The following DPH6 variants were observed in gnomAD, a reference collection of about 807,000 sequenced individuals.
DPH6 encodes the protein diphthine--ammonia ligase.
DPH6 carries 33 observed loss-of-function variants against 38.2 expected under a neutral mutation model. That is an observed-to-expected ratio of 0.86 (90% confidence interval 0.65 to 1.15). DPH6 has a LOEUF of 1.15. Among genes scored for constraint, DPH6 ranks in the 50% most tolerant of loss-of-function variants. DPH6 has a pLI of 0.00. For missense variants in DPH6, 325 were observed against 320.0 expected (o/e 1.02, Z -0.12); for synonymous variants, 108 against 103.0 (o/e 1.05, Z -0.30).
intron 3 of DPH6, among the ~76,000 whole-genome samples, chr15:35,320,870 C>T (rs2052234812): frequency 6.6e-6 from 1 of 152,150 alleles, no homozygotes; most frequent in Non-Finnish European, 1.5e-5. Context: ...TAAAAGCTCT[C>T]AAAATATTCA....
At chr15:35,376,543 G>A (rs1484285973) in intron 7 of DPH6, among the ~76,000 whole-genome samples, 1 of 152,076 alleles carries the variant, frequency 6.6e-6, no homozygotes, top group Non-Finnish European at 1.5e-5. Context: ...TAAGTGTACA[G>A]TGCTTTTAAA....
rs570609892 is a variant in DPH6 at position 35,338,680 on chromosome 15, G to A, written n.208-7603C>T. 2.6e-5 allele frequency among the ~76,000 whole-genome samples: 4 copies of A among 152,248 alleles called. No individual in the cohort carries two copies. The East Asian group carries it at 7.7e-4, about 29-fold the overall frequency. ...CATTTGACCCAGCCATCCCATTACTGGGTATATACCCAAAGGATTATAAAT... is the reference window on the plus strand; with the variant it reads ...CATTTGACCCAGCCATCCCATTACTAGGTATATACCCAAAGGATTATAAAT... On this transcript the variant is annotated intron_variant and non_coding_transcript_variant, in intron 3 of 3. Coordinates refer to the DPH6 transcript ENST00000558973.
At chr15:35,525,578 T>C (rs2054987367) in intron 3 of DPH6, among the ~76,000 whole-genome samples, 2 of 152,150 alleles carry the variant, frequency 1.3e-5, no homozygotes, top group African/African-American at 4.8e-5. Context: ...CTGAAAGTGA[T>C]GGTTAAAATA....
intron 7 of DPH6, among the ~76,000 whole-genome samples, chr15:35,377,451 GTA>G (rs899816477): frequency 2.7e-4 from 41 of 152,062 alleles, no homozygotes; most frequent in African/African-American, 9.7e-4. Context: ...ACATAAAAAT[GTA>G]TACATGAAGA....
chr15:35,392,717 A>C (rs2053077100), intron 6 of DPH6, among the ~76,000 whole-genome samples: 1 of 152,334 alleles, frequency 6.6e-6, no homozygotes, highest in South Asian at 2.1e-4. Flanking sequence ...AGATGCATGA[A>C]ATGCTGTGAC....
the DPH6 span, among the ~76,000 whole-genome samples, chr15:35,171,987 C>T: frequency 6.6e-6 from 1 of 152,086 alleles, no homozygotes; most frequent in African/African-American, 2.4e-5. Flanking sequence ...CCTTCCTCAG[C>T]CTCCCAAGTA....
intron 3 of DPH6, among the ~76,000 whole-genome samples, chr15:35,338,448 C>T (rs1487155162): frequency 3.3e-5 from 5 of 152,174 alleles, no homozygotes. Flanking sequence ...CCATCACTGG[C>T]CATCAGAGTA....
intron 5 of DPH6, among the ~76,000 whole-genome samples, chr15:35,445,395 CAAAAAAAA>C (rs11331685): frequency 8.0e-6 from 1 of 125,522 alleles, no homozygotes; most frequent in African/African-American, 2.9e-5. Flanking sequence ...TCATCATCAT[CAAAAAAAA>C]AAAAAAAAAA....
At chr15:35,475,662 A>G (rs1409761575) in intron 3 of DPH6, among the ~76,000 whole-genome samples, 1 of 151,852 alleles carries the variant, frequency 6.6e-6, no homozygotes, top group Non-Finnish European at 1.5e-5. Context: ...TTACTCTGAA[A>G]TATTTCCTAT....
chr15:35,224,314 C>T (rs1484331816), intron 3 of DPH6, among the ~76,000 whole-genome samples: 1 of 151,916 alleles, frequency 6.6e-6, no homozygotes, highest in Non-Finnish European at 1.5e-5. Flanking sequence ...ATCATGTTGG[C>T]CAGGCTAGTC....
rs561796563 is a variant in DPH6 at position 35,532,806 on chromosome 15, T to C, written c.312+5468A>G. On this transcript the variant is annotated intron_variant, in intron 3 of 8. Coordinates refer to ENST00000256538, the MANE Select transcript of DPH6 (RefSeq NM_080650.4). Reference sequence around the variant, plus strand: ...AGGGAGGGAGGGAAGAGAGAAGAGATTAAAAAAGAAGAATTGGCTGGGCAC... The same window carrying C: ...AGGGAGGGAGGGAAGAGAGAAGAGACTAAAAAAGAAGAATTGGCTGGGCAC... 1.5e-3 allele frequency among the ~76,000 whole-genome samples: 222 copies of C among 151,224 alleles called. 1 individual carries two copies. Among genetic ancestry groups the C allele is most frequent in the Non-Finnish European group, 1.2e-3 (81 of 67,726 alleles).
At chr15:35,485,369 G>A (rs1367913524) in intron 3 of DPH6, among the ~76,000 whole-genome samples, 1 of 152,138 alleles carries the variant, frequency 6.6e-6, no homozygotes, top group Non-Finnish European at 1.5e-5. Context: ...TGTATGTGAG[G>A]ATATGTTATC....
intron 6 of DPH6, among the ~76,000 whole-genome samples, chr15:35,397,859 T>TTATATATATA (rs60188110): frequency 0.019 from 2,152 of 112,550 alleles, 58 homozygotes; most frequent in African/African-American, 0.026. Flanking sequence ...TGGAATCAAT[T>TTATATATATA]TATATATATA....
chr15:35,319,610 G>A (rs145024327), intron 3 of DPH6, among the ~76,000 whole-genome samples: 2,610 of 152,106 alleles, frequency 0.017, 21 homozygotes, highest in Non-Finnish European at 0.026. Context: ...GCGTGTTGGT[G>A]CGTGCCTATA....
intron 5 of DPH6, among the ~76,000 whole-genome samples, chr15:35,436,271 C>T (rs1193847087): frequency 1.3e-5 from 2 of 151,458 alleles, no homozygotes; most frequent in Non-Finnish European, 2.9e-5. Context: ...TCAAGACCAT[C>T]TTGGCTAACA....
chr15:35,166,112 G>A, the DPH6 span, among the ~76,000 whole-genome samples: 2 of 151,828 alleles, frequency 1.3e-5, no homozygotes, highest in African/African-American at 2.4e-5. Flanking sequence ...TTTGAGAAAC[G>A]ACAGAAAGTT....
chr15:35,253,751 C>T (rs1403450834), intron 3 of DPH6, among the ~76,000 whole-genome samples: 1 of 152,194 alleles, frequency 6.6e-6, no homozygotes, highest in Non-Finnish European at 1.5e-5. Flanking sequence ...TGCTTTGAAA[C>T]TATCTGATCA....
chr15:35,352,517 G>C (rs1459377810), intron 3 of DPH6, among the ~76,000 whole-genome samples: 1 of 152,088 alleles, frequency 6.6e-6, no homozygotes, highest in Non-Finnish European at 1.5e-5. Context: ...ACCTATGAGT[G>C]AGAACATGTG....
At chr15:35,344,181 G>A (rs1566875539) in intron 3 of DPH6, among the ~76,000 whole-genome samples, 1 of 151,950 alleles carries the variant, frequency 6.6e-6, no homozygotes, top group Non-Finnish European at 1.5e-5. Flanking sequence ...ATAAAGAGAA[G>A]CCAGACTAGA....
Sources: gnomAD v4.1 joint callset for allele counts (sites outside exome capture counted in the v4.1 genomes callset) on GRCh38, gnomAD v4.1.1 for gene constraint, MANE v1.5 for transcripts, NCBI Gene and HGNC (gene_info 2026-07-23, HGNC 2026-07-21) for gene names.